Variants in CERKL observed in about 807,000 individuals in gnomAD.
CERKL encodes CERK like autophagy regulator, also known as ceramide kinase-like protein.
A neutral mutation model predicts 63.4 loss-of-function variants in CERKL; 61 were observed. That is an observed-to-expected ratio of 0.96 (90% CI 0.78 to 1.19). The LOEUF is 1.19. Ranked by LOEUF, CERKL falls within the 50% of genes most tolerant of loss-of-function variation. CERKL has a pLI of 0.00. For synonymous variants in CERKL, 250 were observed against 230.5 expected (o/e 1.08, Z -0.77); for missense variants, 675 against 655.5 (o/e 1.03, Z -0.33).
chr2:181,606,579 G>A lies in CERKL; in HGVS notation c.239-2500C>T, dbSNP rs1260653391. On this transcript the variant is annotated intron_variant, in intron 1 of 12. Transcript: ENST00000410087. ...AGGAGAGGGTAGGGGAGAAGGGGGA[G>A]GGTAGGGAAGAGGGAACGGAAAGGC... Among the ~76,000 whole-genome samples, 4 of 134,822 alleles carry A rather than the reference G, an allele frequency of 3.0e-5. No individual in the cohort carries two copies. The East Asian group carries it at 9.6e-4, about 33-fold the overall frequency. The allele number at this position is 134,822 out of a possible 152,430, so 88.4% of individuals were successfully genotyped here.
intron 2 of CERKL, among the ~76,000 whole-genome samples, chr2:181,581,442 A>G (rs1213725947): frequency 6.6e-6 from 1 of 152,244 alleles, no homozygotes; most frequent in Non-Finnish European, 1.5e-5. Context: ...TTCCAGGTAG[A>G]ATACAATATG....
intron 1 of CERKL, among the ~76,000 whole-genome samples, chr2:181,606,691 C>A (rs532010449): frequency 2.0e-5 from 3 of 152,142 alleles, no homozygotes; most frequent in African/African-American, 7.2e-5. Flanking sequence ...AGTTTCAGTT[C>A]TTCTCCTGGT....
At chr2:181,653,900 G>A (rs753801168) in intron 1 of CERKL, among the ~76,000 whole-genome samples, 1 of 152,160 alleles carries the variant, frequency 6.6e-6, no homozygotes, top group Non-Finnish European at 1.5e-5. Flanking sequence ...CTAGAAGAGA[G>A]TCTTTTGAAT....
intron 3 of CERKL, among the ~76,000 whole-genome samples, chr2:181,568,120 G>A (rs1382964922): frequency 6.6e-6 from 1 of 152,084 alleles, no homozygotes; most frequent in Non-Finnish European, 1.5e-5. Flanking sequence ...TCCTCAGGAA[G>A]ACAAGAAAGT....
chr2:181,615,887 G>A (rs1686171330), intron 1 of CERKL, among the ~76,000 whole-genome samples: 1 of 152,022 alleles, frequency 6.6e-6, no homozygotes, highest in Non-Finnish European at 1.5e-5. Context: ...TTTATTAGCA[G>A]AAAAGCTTAA....
intron 5 of CERKL, among the ~76,000 whole-genome samples, chr2:181,555,925 G>T (rs1478962169): frequency 6.6e-6 from 1 of 151,714 alleles, no homozygotes; most frequent in Non-Finnish European, 1.5e-5. Context: ...GCTCATTTTT[G>T]TATTTTTAGT....
intron 1 of CERKL, among the ~76,000 whole-genome samples, chr2:181,604,978 T>C (rs757343671): frequency 4.0e-4 from 61 of 152,138 alleles, no homozygotes; most frequent in Non-Finnish European, 6.3e-4. Flanking sequence ...GTTTTAGACC[T>C]TAAAAAAAGA....
chr2:181,576,062 A>T (rs1269827839), intron 2 of CERKL, among the ~76,000 whole-genome samples: 1 of 152,224 alleles, frequency 6.6e-6, no homozygotes, highest in Non-Finnish European at 1.5e-5. Context: ...TACAATATTG[A>T]ATAATAACAG....
At chr2:181,651,375 A>C (rs887323920) in intron 1 of CERKL, among the ~76,000 whole-genome samples, 1 of 152,254 alleles carries the variant, frequency 6.6e-6, no homozygotes, top group Non-Finnish European at 1.5e-5. Context: ...ATGGTTTAAC[A>C]TACACAAAGC....
intron 1 of CERKL, among the ~76,000 whole-genome samples, chr2:181,655,425 A>G (rs368329455): frequency 1.2e-4 from 18 of 152,220 alleles, no homozygotes; most frequent in African/African-American, 4.1e-4. Context: ...AAACTTCTAT[A>G]TTGCATAACT....
chr2:181,609,778 A>C (rs1685885438), intron 1 of CERKL, among the ~76,000 whole-genome samples: 1 of 152,098 alleles, frequency 6.6e-6, no homozygotes, highest in Non-Finnish European at 1.5e-5. Flanking sequence ...AGCTATTACA[A>C]TAGAAGTATC....
intron 2 of CERKL, 89 bp from the exon 3 acceptor site, chr2:181,573,973 T>G: frequency 8.4e-7 from 1 of 1,189,668 alleles, no homozygotes. Context: ...TCTGTTAGAA[T>G]GTTATATGCA....
At chr2:181,633,256 A>C (rs1310904303) in intron 1 of CERKL, among the ~76,000 whole-genome samples, 1 of 152,220 alleles carries the variant, frequency 6.6e-6, no homozygotes, top group African/African-American at 2.4e-5. Flanking sequence ...CTAATGACAT[A>C]AGTCACCCAA....
At chr2:181,576,577 G>A (rs1290922119) in intron 2 of CERKL, among the ~76,000 whole-genome samples, 1 of 152,206 alleles carries the variant, frequency 6.6e-6, no homozygotes, top group Non-Finnish European at 1.5e-5. Context: ...TAGAGAAAGA[G>A]GTGAAGCACG....
intron 1 of CERKL, chr2:181,617,254 C>T (rs796540000): frequency 3.9e-5 from 6 of 152,310 alleles, no homozygotes; most frequent in African/African-American, 1.2e-4. Flanking sequence ...AGTATACATA[C>T]AGCATTTCTG....
At chr2:181,643,797 T>C (rs1165154724) in intron 1 of CERKL, among the ~76,000 whole-genome samples, 1 of 152,208 alleles carries the variant, frequency 6.6e-6, no homozygotes, top group Non-Finnish European at 1.5e-5. Flanking sequence ...GAGCTTAACA[T>C]TGCCTAATCT....
intron 4 of CERKL, among the ~76,000 whole-genome samples, chr2:181,564,200 C>T (rs1223133824): frequency 6.6e-6 from 1 of 152,120 alleles, no homozygotes; most frequent in Non-Finnish European, 1.5e-5. Context: ...CCTCTCCTGC[C>T]ACTCACCTCC....
intron 11 of CERKL, among the ~76,000 whole-genome samples, chr2:181,543,442 T>C (rs942294240): frequency 3.3e-5 from 5 of 152,232 alleles, no homozygotes; most frequent in Non-Finnish European, 7.3e-5. Context: ...ACTGTAATTT[T>C]TTATGATTTA....
intron 4 of CERKL, among the ~76,000 whole-genome samples, chr2:181,559,235 G>C (rs372779072): frequency 6.6e-6 from 1 of 151,946 alleles, no homozygotes; most frequent in African/African-American, 2.4e-5. Context: ...TCATCTCCTT[G>C]ACATTATTGC....
Sources: gnomAD v4.1 joint callset for allele counts (sites outside exome capture counted in the v4.1 genomes callset) on GRCh38, gnomAD v4.1.1 for gene constraint, MANE v1.5 for transcripts, NCBI Gene and HGNC (gene_info 2026-07-23, HGNC 2026-07-21) for gene names.